SORCS1: variants seen among roughly 807,000 people sequenced by gnomAD.
SORCS1 encodes the protein VPS10 domain-containing receptor SorCS1.
In SORCS1, 60 loss-of-function variants were observed where a neutral mutation model predicts 146.1. The ratio of observed to expected loss-of-function variants is 0.41; its 90% CI spans 0.33 to 0.51. SORCS1 has a LOEUF of 0.51. Among genes scored for constraint, SORCS1 ranks in the 20% least tolerant of loss-of-function variants. SORCS1 has a pLI of 0.21. For missense variants in SORCS1, 1,352 were observed against 1,487.6 expected, an observed-to-expected ratio of 0.91 and a Z score of 1.50; for synonymous variants, 637 against 584.0, an observed-to-expected ratio of 1.09 and a Z score of -1.31.
intron 17 of SORCS1, among the ~76,000 whole-genome samples, chr10:106,657,042 A>G (rs1850348060): frequency 6.6e-6 from 1 of 152,238 alleles, no homozygotes; most frequent in South Asian, 2.1e-4. Context: ...GGAAAGCAGA[A>G]TGGAGATTTC....
chr10:106,733,439 C>T (rs561068154), intron 5 of SORCS1, among the ~76,000 whole-genome samples: 1 of 152,270 alleles, frequency 6.6e-6, no homozygotes, highest in African/African-American at 2.4e-5. Context: ...TGAGGCCAAT[C>T]AATGCTGAAT....
At chr10:106,699,454 C>G (rs1002646122) in intron 8 of SORCS1, 61 bp from the exon 9 acceptor site, 4 of 1,466,156 alleles carry the variant, frequency 2.7e-6, no homozygotes, top group Non-Finnish European at 2.8e-6. Context: ...ACCTGGCAGG[C>G]ATCCAAAGAG....
At chr10:106,978,667 G>A (rs921108514) in intron 1 of SORCS1, among the ~76,000 whole-genome samples, 7 of 151,862 alleles carry the variant, frequency 4.6e-5, no homozygotes, top group African/African-American at 1.5e-4. Flanking sequence ...GTGTGGTGGC[G>A]TGCACCCGTA....
chr10:106,793,751 C>T (rs563700796), intron 3 of SORCS1, among the ~76,000 whole-genome samples: 1 of 152,296 alleles, frequency 6.6e-6, no homozygotes, highest in Admixed American at 6.5e-5. Context: ...TAGCTATTTC[C>T]AGCCAAATGT....
At chr10:106,667,836 A>T (rs17121157) in intron 16 of SORCS1, 34 bp from the exon 17 acceptor site, 159,795 of 1,546,436 alleles carry the variant, frequency 0.1, 11,021 homozygotes, top group East Asian at 0.29. Flanking sequence ...ACCTTTCACT[A>T]GGTGGCAAAA....
At chr10:107,008,509 C>T (rs1957548752) in intron 1 of SORCS1, among the ~76,000 whole-genome samples, 1 of 152,100 alleles carries the variant, frequency 6.6e-6, no homozygotes, top group Non-Finnish European at 1.5e-5. Context: ...CCACAACAGA[C>T]AAAAAGTTAA....
At chr10:107,139,942 G>C (rs182939848) in intron 1 of SORCS1, among the ~76,000 whole-genome samples, 150 of 152,280 alleles carry the variant, frequency 9.9e-4, no homozygotes, top group South Asian at 2.1e-3. Context: ...GAGTGTTTAA[G>C]TAATTTCTTT....
chr10:107,177,707 A>G, the SORCS1 span, among the ~76,000 whole-genome samples: 1,163 of 152,346 alleles, frequency 7.6e-3, 6 homozygotes, highest in Non-Finnish European at 0.013. Flanking sequence ...TAAAATATCC[A>G]TCACCTTGAA....
intron 1 of SORCS1, among the ~76,000 whole-genome samples, chr10:107,013,929 C>G (rs181819604): frequency 6.6e-6 from 1 of 152,070 alleles, no homozygotes; most frequent in African/African-American, 2.4e-5. Flanking sequence ...GAAGGCCCAC[C>G]CAGTTATTTC....
intron 2 of SORCS1, among the ~76,000 whole-genome samples, chr10:106,866,572 T>C (rs987130351): frequency 1.3e-5 from 2 of 152,202 alleles, no homozygotes; most frequent in Non-Finnish European, 2.9e-5. Context: ...AGCTGCGATC[T>C]GCAGCCAGAA....
chr10:106,600,696 G>A, intron 23 of SORCS1: 1 of 985,400 alleles, frequency 1.0e-6, no homozygotes, highest in Non-Finnish European at 1.2e-6. Flanking sequence ...GTCAGTGCTG[G>A]CATCTTCATG....
At chr10:106,989,670 GTTTTTT>G (rs1335278625) in intron 1 of SORCS1, among the ~76,000 whole-genome samples, 1 of 116,450 alleles carries the variant, frequency 8.6e-6, no homozygotes, top group East Asian at 2.2e-4. Context: ...TATTTTTTCT[GTTTTTT>G]TTTGTTTTTT....
At chr10:106,628,965 A>G (rs1184979667) in intron 19 of SORCS1, among the ~76,000 whole-genome samples, 1 of 152,212 alleles carries the variant, frequency 6.6e-6, no homozygotes, top group Non-Finnish European at 1.5e-5. Context: ...ACCCGGGGTA[A>G]GCAGAGGAAA....
At chr10:106,663,426 G>A (rs141218258) in intron 17 of SORCS1, among the ~76,000 whole-genome samples, 2 of 151,952 alleles carry the variant, frequency 1.3e-5, no homozygotes, top group African/African-American at 4.8e-5. Flanking sequence ...GGGGAAAGGG[G>A]GCCAGGATTG....
chr10:107,021,820 C>T (rs1246676605), intron 1 of SORCS1, among the ~76,000 whole-genome samples: 3 of 152,152 alleles, frequency 2.0e-5, no homozygotes, highest in African/African-American at 4.8e-5. Flanking sequence ...TCCATATTAA[C>T]CACATTTTGC....
At chr10:106,585,129 C>G (rs1845147823) in intron 24 of SORCS1, among the ~76,000 whole-genome samples, 2 of 151,304 alleles carry the variant, frequency 1.3e-5, no homozygotes, top group Admixed American at 1.3e-4. Context: ...GAGGTTGAGG[C>G]AGGAGAATGG....
intron 24 of SORCS1, among the ~76,000 whole-genome samples, chr10:106,591,903 A>G (rs1255852413): frequency 2.0e-5 from 3 of 152,232 alleles, no homozygotes; most frequent in Non-Finnish European, 4.4e-5. Flanking sequence ...CCAATCTGGA[A>G]TATCATGAGT....
At chr10:107,010,642 G>A (rs541363236) in intron 1 of SORCS1, among the ~76,000 whole-genome samples, 149 of 152,304 alleles carry the variant, frequency 9.8e-4, no homozygotes, top group Non-Finnish European at 1.9e-3. Flanking sequence ...CCCAACTCAG[G>A]AAAGTTAATA....
chr10:106,839,721 G>A (rs1461476970), intron 2 of SORCS1, among the ~76,000 whole-genome samples: 4 of 152,220 alleles, frequency 2.6e-5, no homozygotes, highest in Non-Finnish European at 5.9e-5. Flanking sequence ...TCAGAGCTTT[G>A]AGGGACAAGC....
Sources: allele counts gnomAD v4.1 joint callset (sites outside exome capture counted in the v4.1 genomes callset), GRCh38; gene constraint gnomAD v4.1.1; transcripts MANE v1.5; gene names NCBI Gene and HGNC (gene_info 2026-07-23, HGNC 2026-07-21).